The following SNX16 variants were observed in gnomAD, a reference collection of about 807,000 sequenced individuals.
SNX16 encodes sorting nexin-16.
In SNX16, 35 loss-of-function variants were observed where a neutral mutation model predicts 36.7. The ratio of observed to expected loss-of-function variants is 0.95; its 90% CI spans 0.73 to 1.27. SNX16 has a LOEUF of 1.27. SNX16 is among the 50% of genes most tolerant of loss of function. The pLI is 0.00. For synonymous variants in SNX16, 134 were observed against 132.0 expected (o/e 1.02, Z -0.10); for missense variants, 367 against 393.6 (o/e 0.93, Z 0.57).
At chr8:81,837,206 C>T (rs972053607) in intron 2 of SNX16, among the ~76,000 whole-genome samples, 4 of 152,156 alleles carry the variant, frequency 2.6e-5, no homozygotes, top group Non-Finnish European at 5.9e-5. Context: ...TGCTTTCATT[C>T]AAATTGCTGT....
chr8:81,830,344 C>T (rs771202856), intron 2 of SNX16, among the ~76,000 whole-genome samples: 19 of 151,904 alleles, frequency 1.3e-4, no homozygotes, highest in South Asian at 4.2e-4. Context: ...CCGAGGTGGG[C>T]GGATCATGGG....
intron 2 of SNX16, 148 bp downstream of exon 2, chr8:81,839,464 A>G (rs1266818278): frequency 1.2e-6 from 1 of 834,276 alleles, no homozygotes; most frequent in Non-Finnish European, 1.8e-6. Context: ...TTACTACAAC[A>G]TGATAGAATT....
rs1470971403 is a variant in SNX16, at chr8:81,815,365, T to C, written c.641A>G (p.Asp214Gly). The C allele has an allele frequency of 6.2e-7, 1 of 1,612,250 alleles. No individual in the cohort carries two copies. Among genetic ancestry groups the C allele is most frequent in the Non-Finnish European group, 8.5e-7 (1 of 1,179,130 alleles). Residue 214 changes from aspartate to glycine, a missense_variant, in exon 5 of 8, where the codon GAT becomes GGT. By Grantham distance (94) the Asp-to-Gly change is moderately conservative. Coordinates refer to ENST00000345957, the MANE Select transcript of SNX16 (RefSeq NM_152836.3). Reference protein sequence around the residue: ...CLAVREFLCLDDPPGPFDSLE... With the variant: ...CLAVREFLCLGDPPGPFDSLE... ...GCTATCAAATGGACCCGGTGGATCA[T>C]CCAAACAAAGAAATTCTCTCACTGC...
chr8:81,807,566 C>G (rs1170507488), intron 5 of SNX16, among the ~76,000 whole-genome samples: 3 of 113,812 alleles, frequency 2.6e-5, no homozygotes, highest in Non-Finnish European at 5.4e-5. Flanking sequence ...TGACCATAAA[C>G]AGACCCGTTC....
intron 2 of SNX16, among the ~76,000 whole-genome samples, chr8:81,835,702 C>T (rs1811463738): frequency 6.6e-6 from 1 of 152,166 alleles, no homozygotes; most frequent in South Asian, 2.1e-4. Flanking sequence ...CCAACAAGTT[C>T]CTCATCTCCA....
In SNX16 at chr8:81,815,325, C is replaced by A. The variant is rs1307836519; in HGVS notation, c.681G>T (p.Arg227Ser). Residue 227 changes from arginine (R) to serine (S), a missense_variant and splice_region_variant, in exon 5 of 8, where the codon AGG becomes AGT. Arg to Ser is a moderately radical substitution (Grantham distance 110). Coordinates refer to ENST00000345957, the MANE Select transcript of SNX16 (RefSeq NM_152836.3). ...ATGTGCTATATAATACAGCACTTAC[C>A]CTGCTTTCTTCTAGGCTATCAAATG... ...PGPFDSLEES[R>S]AFCETLEETN... is the part of the protein sequence containing the mutation. 6.2e-7 allele frequency: 1 copy of A among 1,610,414 alleles called. No individual in the cohort carries two copies. Among genetic ancestry groups the A allele is most frequent in the Non-Finnish European group, 8.5e-7 (1 of 1,177,532 alleles).
chr8:81,802,576 C>T (rs182408530), intron 6 of SNX16, 77 bp from the exon 7 acceptor site: 1,333 of 1,271,394 alleles, frequency 1.0e-3, no homozygotes, highest in Non-Finnish European at 1.3e-3. Context: ...ATACAGGTAG[C>T]TATAGCAGTC....
chr8:81,830,384 C>G (rs1811198282), intron 2 of SNX16, among the ~76,000 whole-genome samples: 1 of 151,902 alleles, frequency 6.6e-6, no homozygotes, highest in South Asian at 2.1e-4. Context: ...TCCTGGCTAA[C>G]ACAGTGCAAC....
chr8:81,827,542 CA>C (rs1749924819), intron 3 of SNX16, among the ~76,000 whole-genome samples: 1 of 152,044 alleles, frequency 6.6e-6, no homozygotes, highest in Admixed American at 6.6e-5. Flanking sequence ...AGCTCAGGAA[CA>C]GTAAATAAAA....
At chr8:81,823,689 C>G in intron 4 of SNX16, 103 bp downstream of exon 4, 2 of 990,192 alleles carry the variant, frequency 2.0e-6, no homozygotes, top group Non-Finnish European at 2.9e-6. Context: ...ATACTCCAAC[C>G]CTGTATTTTT....
chr8:81,803,328 G>T, intron 5 of SNX16, 100 bp from the exon 6 acceptor site: 1 of 1,175,068 alleles, frequency 8.5e-7, no homozygotes, highest in South Asian at 1.7e-5. Flanking sequence ...AAGAGTCAAA[G>T]AACACAGATA....
At chr8:81,809,818 T>C (rs537147649) in intron 5 of SNX16, among the ~76,000 whole-genome samples, 1 of 152,324 alleles carries the variant, frequency 6.6e-6, no homozygotes, top group Non-Finnish European at 1.5e-5. Flanking sequence ...GAAACAATTG[T>C]ATTCCTAGGA....
chr8:81,817,892 CT>C (rs1242459886), intron 4 of SNX16, among the ~76,000 whole-genome samples: 3 of 151,962 alleles, frequency 2.0e-5, no homozygotes, highest in Non-Finnish European at 4.4e-5. Context: ...GCCATTATTC[CT>C]TTTATTATCT....
intron 5 of SNX16, chr8:81,808,057 C>G (rs1810049179): frequency 1.0e-6 from 1 of 999,312 alleles, no homozygotes; most frequent in South Asian, 1.3e-5. Flanking sequence ...GGAAGATTCT[C>G]AAAGACCAGT....
intron 5 of SNX16, among the ~76,000 whole-genome samples, chr8:81,804,653 CTTAACAGATT>C (rs1354394194): frequency 6.6e-6 from 1 of 151,806 alleles, no homozygotes; most frequent in African/African-American, 2.4e-5. Context: ...AAACTCAAAA[CTTAACAGATT>C]TTTCAGACTG....
chr8:81,833,157 T>C (rs534657182), intron 2 of SNX16, among the ~76,000 whole-genome samples: 38 of 148,416 alleles, frequency 2.6e-4, no homozygotes, highest in African/African-American at 9.2e-4. Flanking sequence ...ATTAATAAAA[T>C]AATTTCACCT....
chr8:81,839,512 A>C, intron 2 of SNX16, 100 bp downstream of exon 2: 1 of 1,180,398 alleles, frequency 8.5e-7, no homozygotes, highest in Admixed American at 2.4e-5. Flanking sequence ...ATATTCAAGA[A>C]ATTATAAGTA....
At chr8:81,809,587 C>T (rs149622687) in intron 5 of SNX16, among the ~76,000 whole-genome samples, 186 of 152,186 alleles carry the variant, frequency 1.2e-3, no homozygotes, top group African/African-American at 4.2e-3. Context: ...TGGAAGATGC[C>T]AGACCTGGCT....
At position 81,829,506 on chromosome 8, in the gene SNX16, AT is replaced by A; in HGVS notation, c.385del (p.Ile129TyrfsTer2). 7.3e-7 allele frequency: 1 copy of A among 1,376,738 alleles called. No homozygotes were observed. The highest frequency in any genetic ancestry group is 9.6e-7 in the Non-Finnish European group (1 of 1,044,188). The allele number at this position is 1,376,738 out of a possible 1,614,324, so 85.3% of individuals were successfully genotyped here. On this transcript the variant is annotated frameshift_variant, in exon 3 of 8. Transcript: ENST00000345957. LOFTEE classifies it high-confidence loss of function. ...EERAKFTVYK[I>X]LVKKTPEESW... Reference sequence around the variant, plus strand: ...TTCTTCTGGGGTTTTCTTTACTAGTATTTTATATACCTATGCACAGGAAGAA... The same window carrying A: ...TTCTTCTGGGGTTTTCTTTACTAGTATTTATATACCTATGCACAGGAAGAA...
Sources: allele counts gnomAD v4.1 joint callset (sites outside exome capture counted in the v4.1 genomes callset), GRCh38; gene constraint gnomAD v4.1.1; transcripts MANE v1.5; gene names NCBI Gene and HGNC (gene_info 2026-07-23, HGNC 2026-07-21).